GALNTL6: variants seen among roughly 807,000 people sequenced by gnomAD.
The protein encoded by GALNTL6 is polypeptide N-acetylgalactosaminyltransferase like 6.
In GALNTL6, 46 loss-of-function variants were observed where a neutral mutation model predicts 73.7. The ratio of observed to expected loss-of-function variants is 0.62; its 90% CI spans 0.49 to 0.80. The LOEUF (loss-of-function observed/expected upper bound fraction) is 0.80, where lower values mean the gene tolerates loss of function less well. GALNTL6 is among the 30% of genes least tolerant of loss of function. The pLI is 0.00. For missense variants in GALNTL6, 604 were observed against 755.0 expected (o/e 0.80, Z 2.34); for synonymous variants, 259 against 263.7 (o/e 0.98, Z 0.17).
intron 5 of GALNTL6, among the ~76,000 whole-genome samples, chr4:172,459,004 G>A (rs1369984542): frequency 6.6e-6 from 1 of 152,168 alleles, no homozygotes; most frequent in South Asian, 2.1e-4. Context: ...ACATCAAAAA[G>A]CTTATCCACC....
chr4:173,021,813 C>T (rs1315210125), intron 12 of GALNTL6, among the ~76,000 whole-genome samples, 188 bp downstream of exon 12: 1 of 151,636 alleles, frequency 6.6e-6, no homozygotes, highest in Non-Finnish European at 1.5e-5. Flanking sequence ...ACCAACATAG[C>T]GAAACCCCAT....
intron 5 of GALNTL6, among the ~76,000 whole-genome samples, chr4:172,489,053 G>A (rs557088018): frequency 6.6e-6 from 1 of 152,294 alleles, no homozygotes; most frequent in Admixed American, 6.5e-5. Context: ...AACTTTGCCA[G>A]TTCGCATTTA....
intron 5 of GALNTL6, among the ~76,000 whole-genome samples, chr4:172,638,162 CA>C (rs1739782219): frequency 2.0e-5 from 3 of 152,086 alleles, no homozygotes. Flanking sequence ...AATCACATCA[CA>C]AAAAGTAAAC....
chr4:172,034,973 CTAAT>C (rs1287192483), intron 2 of GALNTL6, among the ~76,000 whole-genome samples: 1 of 152,062 alleles, frequency 6.6e-6, no homozygotes, highest in Non-Finnish European at 1.5e-5. Flanking sequence ...AACTCCTGCA[CTAAT>C]TAAACATCTT....
chr4:172,912,868 G>C (rs1268923596), intron 8 of GALNTL6, among the ~76,000 whole-genome samples: 1 of 152,174 alleles, frequency 6.6e-6, no homozygotes, highest in Non-Finnish European at 1.5e-5. Flanking sequence ...AGAGAGCAGT[G>C]GTTCTCCCAG....
chr4:172,563,590 C>T (rs372077493), intron 5 of GALNTL6, among the ~76,000 whole-genome samples: 56 of 152,284 alleles, frequency 3.7e-4, no homozygotes, highest in African/African-American at 1.3e-3. Context: ...GCATTTGATA[C>T]ACCAGAAAGC....
At chr4:172,739,942 TAA>T (rs11342855) in intron 5 of GALNTL6, among the ~76,000 whole-genome samples, 3 of 147,488 alleles carry the variant, frequency 2.0e-5, no homozygotes, top group Admixed American at 6.7e-5. Flanking sequence ...AATGATACAT[TAA>T]AAAAAAAAAC....
chr4:172,549,261 A>C (rs1404974715), intron 5 of GALNTL6, among the ~76,000 whole-genome samples: 1 of 152,144 alleles, frequency 6.6e-6, no homozygotes, highest in Non-Finnish European at 1.5e-5. Flanking sequence ...AGTAGATTGC[A>C]GGCCTGGAAA....
chr4:171,898,333 G>A (rs1228788315), intron 2 of GALNTL6, among the ~76,000 whole-genome samples: 3 of 152,142 alleles, frequency 2.0e-5, no homozygotes, highest in Non-Finnish European at 4.4e-5. Context: ...CTTAGCATGC[G>A]ATTCAACAAT....
rs567799055 is a variant in GALNTL6 at position 172,197,500 on chromosome 4, A to G, written c.139-32156A>G. On this transcript the variant is annotated intron_variant, in intron 2 of 12. Coordinates refer to ENST00000506823, the MANE Select transcript of GALNTL6 (RefSeq NM_001034845.3). Reference sequence around the variant, plus strand: ...TATAGCCAGAAAATCCTAAGCAAAAAGAACAAAAGTGGAGGCCTCATGCTA... The same window carrying G: ...TATAGCCAGAAAATCCTAAGCAAAAGGAACAAAAGTGGAGGCCTCATGCTA... 8.5e-5 allele frequency among the ~76,000 whole-genome samples: 13 copies of G among 152,322 alleles called. No individual in the cohort carries two copies. The South Asian group carries it at 1.7e-3, about 19-fold the overall frequency.
intron 2 of GALNTL6, among the ~76,000 whole-genome samples, chr4:171,824,448 A>G (rs1023333440): frequency 2.6e-4 from 40 of 152,094 alleles, no homozygotes; most frequent in African/African-American, 9.7e-4. Flanking sequence ...GTATAAAAAG[A>G]GTGTCTAATG....
intron 2 of GALNTL6, among the ~76,000 whole-genome samples, chr4:171,953,185 T>C (rs1276683749): frequency 6.6e-6 from 1 of 151,792 alleles, no homozygotes. Flanking sequence ...ATAAATTCAA[T>C]AGAATTCTAA....
intron 8 of GALNTL6, among the ~76,000 whole-genome samples, chr4:172,908,609 A>AGTGTGT (rs200044918): frequency 0.1 from 14,708 of 145,886 alleles, 963 homozygotes; most frequent in Admixed American, 0.23. Flanking sequence ...CATGAGCGTG[A>AGTGTGT]GTGTGTGTGT....
At chr4:172,601,684 C>T (rs1032148363) in intron 5 of GALNTL6, among the ~76,000 whole-genome samples, 1 of 152,074 alleles carries the variant, frequency 6.6e-6, no homozygotes, top group Admixed American at 6.6e-5. Context: ...TATAAACTAC[C>T]CAGTTTCAGG....
chr4:172,606,663 C>CTA (rs373383097), intron 5 of GALNTL6, among the ~76,000 whole-genome samples: 944 of 38,496 alleles, frequency 0.025, 18 homozygotes, highest in African/African-American at 0.057. Flanking sequence ...TATATATATA[C>CTA]TATATATATA....
intron 5 of GALNTL6, among the ~76,000 whole-genome samples, chr4:172,687,750 T>G (rs906707453): frequency 2.0e-5 from 3 of 152,134 alleles, no homozygotes; most frequent in Non-Finnish European, 2.9e-5. Flanking sequence ...CTTTAGCGCT[T>G]GGCAGATTGC....
chr4:172,091,064 G>A (rs1732189614), intron 2 of GALNTL6, among the ~76,000 whole-genome samples: 1 of 151,962 alleles, frequency 6.6e-6, no homozygotes, highest in Non-Finnish European at 1.5e-5. Flanking sequence ...ATCTATTTTG[G>A]TACTAGTACC....
At chr4:172,095,491 C>A (rs973615657) in intron 2 of GALNTL6, among the ~76,000 whole-genome samples, 1 of 152,108 alleles carries the variant, frequency 6.6e-6, no homozygotes, top group Non-Finnish European at 1.5e-5. Context: ...ATTAATCAAA[C>A]AGGAAAAAGC....
chr4:172,355,016 A>G (rs1742101859), intron 5 of GALNTL6, among the ~76,000 whole-genome samples: 1 of 152,088 alleles, frequency 6.6e-6, no homozygotes, highest in African/African-American at 2.4e-5. Flanking sequence ...TTATTCTAGT[A>G]GAAATCTGTT....
Sources: allele counts gnomAD v4.1 joint callset (sites outside exome capture counted in the v4.1 genomes callset), GRCh38; gene constraint gnomAD v4.1.1; transcripts MANE v1.5; gene names NCBI Gene and HGNC (gene_info 2026-07-23, HGNC 2026-07-21).